Variants in CCR6 observed in about 807,000 individuals in gnomAD.
CCR6 encodes the protein C-C motif chemokine receptor 6, also known as C-C chemokine receptor type 6.
A neutral mutation model predicts 3.0 loss-of-function variants in CCR6; 2 were observed. The observed-to-expected ratio is 0.66, with a 90% CI of 0.27 to 2.07. CCR6 has a LOEUF of 2.07. Among genes scored for constraint, CCR6 ranks in the 30% most tolerant of loss-of-function variants. The probability of loss-of-function intolerance (pLI) is 0.14; values close to 1 mark genes in which losing one functional copy is unlikely to be tolerated. For missense variants in CCR6, 322 were observed against 462.8 expected (o/e 0.70, Z 2.79); for synonymous variants, 193 against 184.3 (o/e 1.05, Z -0.38).
In CCR6 at chr6:167,137,774, A is replaced by G. The variant is rs1182817008; in HGVS notation, c.*419A>G. ...AACAGAAAAAAAAATGGAAGCCAAC[A>G]CATCACTCATTTTAGGCAAATGTTT... On this transcript the variant is annotated 3_prime_UTR_variant, in exon 3 of 3. Coordinates refer to ENST00000341935, the MANE Select transcript of CCR6 (RefSeq NM_031409.4). The surrounding 1 kb of genome is among the most constrained non-coding windows in gnomAD (Gnocchi z 4.6). 1 of 164,748 alleles carries G rather than the reference A, an allele frequency of 6.1e-6. No homozygotes were observed. The allele number at this position is 164,748 out of a possible 1,614,324, so 10.2% of individuals were successfully genotyped here.
rs572078477 is a variant in CCR6, at chr6:167,124,610, C to A, written c.-98+1387C>A. Among the ~76,000 whole-genome samples the A allele has an allele frequency of 2.6e-5, 4 of 152,206 alleles. No individual in the cohort carries two copies. The South Asian group carries it at 8.3e-4, about 32-fold the overall frequency. On this transcript the variant is annotated intron_variant, in intron 1 of 2. Coordinates refer to ENST00000341935, the MANE Select transcript of CCR6 (RefSeq NM_031409.4). Reference sequence around the variant, plus strand: ...CTGCTGGTGGCAAGGTGAATTAGAACGGCGAGTAAGAGACAGTAATGGGAG... The same window carrying A: ...CTGCTGGTGGCAAGGTGAATTAGAAAGGCGAGTAAGAGACAGTAATGGGAG...
chr6:167,137,177 ACG>A lies in CCR6; in HGVS notation c.949_950del (p.Ala317PhefsTer45). 6.2e-7 allele frequency: 1 copy of A among 1,614,138 alleles called. No homozygotes were observed. Among genetic ancestry groups the A allele is most frequent in the Non-Finnish European group, 8.5e-7 (1 of 1,180,018 alleles). ...CACTGCTGCCTGAACCCTGTGCTCTACGCTTTTATTGGGCAGAAGTTCAGAAA... is the reference window on the plus strand; with the variant it reads ...CACTGCTGCCTGAACCCTGTGCTCTACTTTTATTGGGCAGAAGTTCAGAAA... On this transcript the variant is annotated frameshift_variant, in exon 3 of 3. Transcript: ENST00000341935. LOFTEE classifies it low-confidence loss of function (END_TRUNC). The surrounding 1 kb of genome is among the most constrained non-coding windows in gnomAD (Gnocchi z 4.6).
chr6:167,130,975 C>T (rs1781748533), intron 1 of CCR6, among the ~76,000 whole-genome samples: 1 of 131,192 alleles, frequency 7.6e-6, no homozygotes, highest in Non-Finnish European at 1.6e-5. Flanking sequence ...CCTCTGGGAC[C>T]ACCCTCCCTC....
chr6:167,137,090 C>G lies in CCR6; in HGVS notation c.860C>G (p.Ser287Cys). 6.2e-7 allele frequency: 1 copy of G among 1,614,170 alleles called. No homozygotes were observed. ...TAANLGKMNR[S>C]CQSEKLIGYT... ...GCAAATTTGGGTAAAATGAACCGATCCTGCCAGAGCGAAAAGCTAATTGGC... is the reference window on the plus strand; with the variant it reads ...GCAAATTTGGGTAAAATGAACCGATGCTGCCAGAGCGAAAAGCTAATTGGC... The change falls in exon 3 of 3, where the codon TCC (serine) becomes TGC (cysteine). Residue 287 changes from serine (S) to cysteine (C), a missense_variant. By Grantham distance (112) the Ser-to-Cys change is moderately radical (BLOSUM62 -1). Transcript: ENST00000341935. This position sits in a 1 kb window ranked among gnomAD's most constrained non-coding sequence, Gnocchi z 4.6.
At chr6:167,128,789 G>T (rs1200337818) in intron 1 of CCR6, among the ~76,000 whole-genome samples, 1 of 152,114 alleles carries the variant, frequency 6.6e-6, no homozygotes, top group African/African-American at 2.4e-5. Context: ...GGCCATGCTG[G>T]TCTCAAACTC....
chr6:167,121,788 T>C (rs1781591216), upstream of CCR6, among the ~76,000 whole-genome samples: 1 of 152,138 alleles, frequency 6.6e-6, no homozygotes, highest in African/African-American at 2.4e-5. Context: ...GGAGAGGCTT[T>C]GTTTGGAAGG....
exon 1 of CCR6, chr6:167,112,001 C>A (rs1315684295): frequency 6.6e-6 from 1 of 152,144 alleles, no homozygotes; most frequent in Non-Finnish European, 1.5e-5. Context: ...GAACAGACAG[C>A]TCCTTCTTTA....
At chr6:167,130,973 A>ACCCCTCCCTCTGGG (rs1491251754) in intron 1 of CCR6, among the ~76,000 whole-genome samples, 2 of 79,990 alleles carry the variant, frequency 2.5e-5, no homozygotes, top group African/African-American at 1.0e-4. Flanking sequence ...TCCCTCTGGG[A>ACCCCTCCCTCTGGG]CCACCCTCCC....
chr6:167,128,026 C>T (rs1273718096), intron 1 of CCR6, among the ~76,000 whole-genome samples: 2 of 152,226 alleles, frequency 1.3e-5, no homozygotes, highest in African/African-American at 4.8e-5. Flanking sequence ...CTTCTGTCTG[C>T]AACTCCAGCA....
chr6:167,130,592 C>T (rs557626754), intron 1 of CCR6, among the ~76,000 whole-genome samples: 17 of 151,832 alleles, frequency 1.1e-4, no homozygotes, highest in Middle Eastern at 3.4e-3. Flanking sequence ...TGGGGAAGGC[C>T]GAATCATTTT....
chr6:167,134,781 G>A (rs1781824633), intron 1 of CCR6, among the ~76,000 whole-genome samples: 1 of 152,242 alleles, frequency 6.6e-6, no homozygotes, highest in South Asian at 2.1e-4. Flanking sequence ...TGGGCGATTG[G>A]CTGGGAAGCA....
At chr6:167,129,579 A>G (rs1365849786) in intron 1 of CCR6, 1 of 148,096 alleles carries the variant, frequency 6.8e-6, no homozygotes, top group African/African-American at 2.7e-5. Flanking sequence ...TCACTGCAAC[A>G]TTCCCTGAAT....
chr6:167,134,778 T>C (rs918369388), intron 1 of CCR6, among the ~76,000 whole-genome samples: 1 of 152,162 alleles, frequency 6.6e-6, no homozygotes, highest in Non-Finnish European at 1.5e-5. Flanking sequence ...AGATGGGCGA[T>C]TGGCTGGGAA....
chr6:167,117,950 T>G (rs1346719231), upstream of CCR6, among the ~76,000 whole-genome samples: 3 of 149,168 alleles, frequency 2.0e-5, no homozygotes, highest in Non-Finnish European at 3.0e-5. Context: ...TTCTGTTTTT[T>G]TTTTTTTTTT....
upstream of CCR6, among the ~76,000 whole-genome samples, chr6:167,122,388 T>A (rs754009535): frequency 2.0e-5 from 3 of 152,198 alleles, no homozygotes; most frequent in Non-Finnish European, 4.4e-5. This position sits in a 1 kb window ranked among gnomAD's most constrained non-coding sequence, Gnocchi z 4.2. Flanking sequence ...GTCAGCTGCT[T>A]TCCTTGATAT....
At chr6:167,125,980 A>C (rs1321815149) in intron 1 of CCR6, among the ~76,000 whole-genome samples, 1 of 152,242 alleles carries the variant, frequency 6.6e-6, no homozygotes, top group African/African-American at 2.4e-5. Context: ...TTCAGAGGCT[A>C]AGTTATTACT....
intron 1 of CCR6, chr6:167,115,662 C>T (rs982637795): frequency 3.3e-5 from 5 of 152,204 alleles, no homozygotes; most frequent in Non-Finnish European, 5.9e-5. Context: ...TGTTATTTTT[C>T]CAGCAGTGAA....
At chr6:167,134,391 G>A (rs1781818154) in intron 1 of CCR6, among the ~76,000 whole-genome samples, 1 of 152,176 alleles carries the variant, frequency 6.6e-6, no homozygotes, top group Non-Finnish European at 1.5e-5. Flanking sequence ...TTACAAAAGT[G>A]CAGAGGTGAC....
intron 1 of CCR6, among the ~76,000 whole-genome samples, chr6:167,133,928 GTGTGTATATATA>G (rs1420897618): frequency 2.5e-5 from 1 of 40,546 alleles, no homozygotes; most frequent in African/African-American, 1.2e-4. Flanking sequence ...TATGATATAT[GTGTGTATATATA>G]TATATATATA....
Sources: allele counts gnomAD v4.1 joint callset (sites outside exome capture counted in the v4.1 genomes callset), GRCh38; gene constraint gnomAD v4.1.1; non-coding constraint Gnocchi (gnomAD v3.1); transcripts MANE v1.5; gene names NCBI Gene and HGNC (gene_info 2026-07-23, HGNC 2026-07-21).